ATP2C1: variants seen among roughly 807,000 people sequenced by gnomAD.
ATP2C1 encodes ATPase secretory pathway Ca2+ transporting 1.
ATP2C1 carries 31 observed loss-of-function variants against 120.5 expected under a neutral mutation model. That is an observed-to-expected ratio of 0.26 (90% CI 0.19 to 0.35). The LOEUF (loss-of-function observed/expected upper bound fraction) is 0.35. Ranked by LOEUF, ATP2C1 falls within the 10% of genes least tolerant of loss-of-function variation. ATP2C1 has a pLI of 1.00. For missense variants in ATP2C1, 731 were observed against 1,107.5 expected (o/e 0.66, Z 4.83); for synonymous variants, 351 against 358.7 (o/e 0.98, Z 0.24).
intron 8 of ATP2C1, among the ~76,000 whole-genome samples, chr3:130,952,490 C>T (rs982465023): frequency 1.3e-5 from 2 of 152,000 alleles, no homozygotes; most frequent in Admixed American, 6.6e-5. Flanking sequence ...CTTTTCACCC[C>T]CCACCAAAAG....
intron 9 of ATP2C1, 27 bp downstream of exon 9, chr3:130,954,003 A>C (rs772319162): frequency 8.1e-6 from 13 of 1,612,598 alleles, no homozygotes; most frequent in African/African-American, 1.3e-5. Flanking sequence ...ATTTGAAAAA[A>C]GCAGTTCCTT....
intron 2 of ATP2C1, among the ~76,000 whole-genome samples, chr3:130,901,164 C>T (rs1321042885): frequency 6.6e-6 from 1 of 152,018 alleles, no homozygotes; most frequent in African/African-American, 2.4e-5. Context: ...CTGCTGTGTC[C>T]TTTTCTTAAT....
chr3:130,938,713 A>T (rs1321487746), intron 6 of ATP2C1, among the ~76,000 whole-genome samples: 2 of 152,220 alleles, frequency 1.3e-5, no homozygotes, highest in Non-Finnish European at 2.9e-5. Context: ...GCAGCTATTC[A>T]TTCAGCCAAG....
intron 3 of ATP2C1, among the ~76,000 whole-genome samples, chr3:130,930,805 G>A (rs2059417810): frequency 6.6e-6 from 1 of 152,132 alleles, no homozygotes; most frequent in Non-Finnish European, 1.5e-5. Context: ...AGGTGGCTTA[G>A]TGGCTACCTG....
chr3:130,892,933 G>C (rs1047249173), upstream of ATP2C1, among the ~76,000 whole-genome samples: 1 of 152,216 alleles, frequency 6.6e-6, no homozygotes, highest in Non-Finnish European at 1.5e-5. Flanking sequence ...AGCACACTGC[G>C]ATATGTTACA....
intron 2 of ATP2C1, among the ~76,000 whole-genome samples, chr3:130,924,307 G>A (rs1280068430): frequency 6.6e-6 from 1 of 152,150 alleles, no homozygotes; most frequent in Non-Finnish European, 1.5e-5. Context: ...GTCTGATAAA[G>A]ACTTTATCTC....
Position 130,911,707 on chromosome 3 carries a change from C to T in ATP2C1, c.6+16932C>T, listed in dbSNP as rs1301265404. Reference sequence around the variant, plus strand: ...TAATTTACAGATTCAGTGCCATCCCCATCAAGCTACCGATGACTTTCTTCA... The same window carrying T: ...TAATTTACAGATTCAGTGCCATCCCTATCAAGCTACCGATGACTTTCTTCA... On this transcript the variant is annotated intron_variant, in intron 2 of 27. Coordinates refer to ENST00000510168, the MANE Select transcript of ATP2C1 (RefSeq NM_001378687.1). 3.9e-5 allele frequency among the ~76,000 whole-genome samples: 6 copies of T among 152,196 alleles called. No individual in the cohort carries two copies. The South Asian group carries it at 1.2e-3, about 32-fold the overall frequency.
chr3:131,013,392 T>G (rs928270483), intron 26 of ATP2C1, among the ~76,000 whole-genome samples: 5 of 152,230 alleles, frequency 3.3e-5, no homozygotes, highest in Non-Finnish European at 7.3e-5. Flanking sequence ...AAATCTGTAG[T>G]ATAAAGAGGG....
Position 130,964,041 on chromosome 3 carries a change from A to G in ATP2C1, c.970A>G (p.Arg324Gly). ...AGTGACGCTAGCTCTTGGTGTTATG[A>G]GAATGGTGAAGAAAAGGGCCATTGT... ...VTVTLALGVM[R>G]MVKKRAIVKK... The change falls in exon 13 of 28, where the codon AGA (arginine) becomes GGA (glycine). Residue 324 changes from arginine (R) to glycine (G), a missense_variant. Physicochemically the swap from Arg to Gly is moderately radical, Grantham distance 125. Around this residue, in one of 3 missense-constraint regions of ATP2C1, gnomAD observed 571 missense variants for 845.9 expected, o/e 0.67. Coordinates refer to ENST00000510168, the MANE Select transcript of ATP2C1 (RefSeq NM_001378687.1). The G allele has an allele frequency of 3.7e-6, 6 of 1,612,754 alleles. No individual in the cohort carries two copies. Among genetic ancestry groups the G allele is most frequent in the Non-Finnish European group, 5.1e-6 (6 of 1,178,964 alleles).
intron 2 of ATP2C1, among the ~76,000 whole-genome samples, chr3:130,900,958 C>T (rs1168622803): frequency 2.0e-5 from 3 of 152,110 alleles, no homozygotes; most frequent in African/African-American, 2.4e-5. Flanking sequence ...AGCATGTTTG[C>T]TTTACCTGCC....
chr3:130,937,562 C>A, intron 6 of ATP2C1, 99 bp downstream of exon 6: 1 of 923,836 alleles, frequency 1.1e-6, no homozygotes, highest in Non-Finnish European at 1.8e-6. Flanking sequence ...GGTTGTAATG[C>A]CCATCAGAAC....
At chr3:130,884,983 G>T (rs2068923022) in intron 1 of ATP2C1, among the ~76,000 whole-genome samples, 1 of 144,708 alleles carries the variant, frequency 6.9e-6, no homozygotes, top group Non-Finnish European at 1.5e-5. Context: ...GCCCAGGCTG[G>T]AGTACAATGG....
At chr3:130,926,582 C>G (rs779002834) in intron 2 of ATP2C1, among the ~76,000 whole-genome samples, 1 of 152,200 alleles carries the variant, frequency 6.6e-6, no homozygotes, top group African/African-American at 2.4e-5. Context: ...GTAATAACTA[C>G]CAGTATACTG....
intron 23 of ATP2C1, among the ~76,000 whole-genome samples, 183 bp from the exon 24 acceptor site, chr3:130,996,497 T>C (rs1036664198): frequency 9.9e-5 from 15 of 152,252 alleles, no homozygotes; most frequent in African/African-American, 3.4e-4. Flanking sequence ...CTAAACATCT[T>C]GAAAATCCTT....
intron 2 of ATP2C1, among the ~76,000 whole-genome samples, chr3:130,895,913 A>G (rs2069589162): frequency 6.6e-6 from 1 of 152,234 alleles, no homozygotes; most frequent in African/African-American, 2.4e-5. Flanking sequence ...CTGAAATACT[A>G]AAGTGTATAA....
downstream of ATP2C1, among the ~76,000 whole-genome samples, chr3:131,006,439 A>C (rs1334212284): frequency 1.3e-5 from 2 of 151,934 alleles, no homozygotes; most frequent in Non-Finnish European, 2.9e-5. Context: ...TTTACTCGTA[A>C]TTTTTTTGGC....
intron 25 of ATP2C1, 83 bp downstream of exon 25, chr3:130,997,836 G>T: frequency 1.4e-6 from 2 of 1,475,744 alleles, no homozygotes; most frequent in Non-Finnish European, 1.9e-6. Context: ...GGGTTACCCA[G>T]AAGGCTGGGA....
chr3:130,941,877 A>G (rs1559953217), intron 8 of ATP2C1, among the ~76,000 whole-genome samples, 178 bp downstream of exon 8: 1 of 152,158 alleles, frequency 6.6e-6, no homozygotes, highest in Non-Finnish European at 1.5e-5. Context: ...CTACTGTAAC[A>G]TCTTTTGAGG....
chr3:130,880,815 C>T (rs1471873455), intron 1 of ATP2C1, among the ~76,000 whole-genome samples: 2 of 152,160 alleles, frequency 1.3e-5, no homozygotes, highest in African/African-American at 4.8e-5. Context: ...CTCATAAAGC[C>T]TTGGGGCTGT....
Sources: gnomAD v4.1 joint callset for allele counts (sites outside exome capture counted in the v4.1 genomes callset) on GRCh38, gnomAD v4.1.1 for gene constraint, gnomAD v4.1.1 regional missense constraint, MANE v1.5 for transcripts, NCBI Gene and HGNC (gene_info 2026-07-23, HGNC 2026-07-21) for gene names.